Variants in PGM5 observed in about 807,000 individuals in gnomAD.
The protein encoded by PGM5 is phosphoglucomutase-like protein 5.
PGM5 carries 23 observed loss-of-function variants against 59.2 expected under a neutral mutation model. The ratio of observed to expected loss-of-function variants is 0.39; its 90% CI spans 0.28 to 0.55. The LOEUF is 0.55. Ranked by LOEUF, PGM5 falls within the 20% of genes least tolerant of loss-of-function variation. The pLI is 0.66. For missense variants in PGM5, 574 were observed against 748.3 expected, an observed-to-expected ratio of 0.77 and a Z score of 2.72; for synonymous variants, 214 against 286.0, an observed-to-expected ratio of 0.75 and a Z score of 2.54.
intron 7 of PGM5, among the ~76,000 whole-genome samples, chr9:68,469,912 G>A (rs1040016293): frequency 3.3e-5 from 5 of 152,192 alleles, no homozygotes. Flanking sequence ...TTAAATGGAT[G>A]TATTTCTGAA....
intron 9 of PGM5, among the ~76,000 whole-genome samples, chr9:68,487,964 A>G (rs1015300190): frequency 2.6e-5 from 4 of 152,212 alleles, no homozygotes; most frequent in Admixed American, 1.3e-4. Context: ...TGAAATAGGA[A>G]TAATAATTGT....
At chr9:68,416,128 C>T (rs1369487759) in intron 6 of PGM5, among the ~76,000 whole-genome samples, 3 of 152,160 alleles carry the variant, frequency 2.0e-5, no homozygotes, top group African/African-American at 7.2e-5. Context: ...ATTCCTTCCA[C>T]AAATGCTCTG....
At chr9:68,491,108 T>G (rs1418851359) in intron 9 of PGM5, among the ~76,000 whole-genome samples, 1 of 152,250 alleles carries the variant, frequency 6.6e-6, no homozygotes, top group African/African-American at 2.4e-5. Flanking sequence ...TAGACGCCAG[T>G]CAGCTCATTA....
intron 6 of PGM5, among the ~76,000 whole-genome samples, chr9:68,454,238 A>G (rs1454831585): frequency 6.6e-6 from 1 of 152,116 alleles, no homozygotes; most frequent in Non-Finnish European, 1.5e-5. Flanking sequence ...CCCTATCCAC[A>G]CAGATCTGTC....
intron 6 of PGM5, among the ~76,000 whole-genome samples, chr9:68,401,668 AC>A (rs1340434654): frequency 2.0e-5 from 3 of 151,874 alleles, no homozygotes; most frequent in African/African-American, 7.3e-5. Flanking sequence ...TCCAACGGGA[AC>A]ATTAACTTCA....
intron 7 of PGM5, among the ~76,000 whole-genome samples, chr9:68,472,786 G>A (rs782701872): frequency 9.9e-5 from 15 of 152,168 alleles, no homozygotes; most frequent in Admixed American, 3.3e-4. Flanking sequence ...TATCAGCCTT[G>A]TGTGAAACAC....
In PGM5 at chr9:68,529,082, A is replaced by T. The variant is rs1825036990; in HGVS notation, c.1615-485A>T. 2.0e-5 allele frequency among the ~76,000 whole-genome samples: 3 copies of T among 151,814 alleles called. No homozygotes were observed. In the South Asian group the frequency reaches 6.3e-4, roughly 32 times the overall value. ...GTCATTTCTGCAACGTTGGCCAATG[A>T]ATTGGTCTGTCATTTCAGAAACATC... is the stretch of plus-strand genomic sequence containing the variant. On this transcript the variant is annotated intron_variant, in intron 10 of 10. Coordinates refer to ENST00000396396, the MANE Select transcript of PGM5 (RefSeq NM_021965.4).
At chr9:68,493,314 C>G (rs1376576588) in intron 9 of PGM5, among the ~76,000 whole-genome samples, 3 of 152,122 alleles carry the variant, frequency 2.0e-5, no homozygotes, top group African/African-American at 7.2e-5. Context: ...ATTTATTTAT[C>G]AAACATTTAT....
chr9:68,487,347 A>G (rs1186206212), intron 9 of PGM5, among the ~76,000 whole-genome samples: 1 of 152,072 alleles, frequency 6.6e-6, no homozygotes, highest in African/African-American at 2.4e-5. Flanking sequence ...TACCTAATTG[A>G]TGCTCAAGAA....
At chr9:68,378,845 C>G (rs549930409) in intron 2 of PGM5, among the ~76,000 whole-genome samples, 1 of 151,366 alleles carries the variant, frequency 6.6e-6, no homozygotes, top group African/African-American at 2.4e-5. Flanking sequence ...CTTATATTCA[C>G]AGCAATCTAT....
chr9:68,356,691 T>A lies in PGM5; in HGVS notation c.-437T>A, dbSNP rs1554675653. On this transcript the variant is annotated 5_prime_UTR_variant, in exon 1 of 11. Transcript: ENST00000396396. ...GCCCAAAGTCTCGCCGCCCGCCGGC[T>A]GTTTTCTGGCGGAGGGTGTGCCCCG... Among the ~76,000 whole-genome samples, 1 of 152,234 alleles carries A rather than the reference T, an allele frequency of 6.6e-6. No individual in the cohort carries two copies. The highest frequency in any genetic ancestry group is 2.4e-5 in the African/African-American group (1 of 41,452).
intron 4 of PGM5, among the ~76,000 whole-genome samples, chr9:68,390,069 C>T (rs1195452212): frequency 2.0e-5 from 3 of 152,050 alleles, no homozygotes; most frequent in African/African-American, 7.2e-5. Context: ...ATACATTCCT[C>T]AAAATTTTGG....
chr9:68,403,442 C>T (rs1336098602), intron 6 of PGM5, among the ~76,000 whole-genome samples: 2 of 152,158 alleles, frequency 1.3e-5, no homozygotes, highest in Non-Finnish European at 2.9e-5. Flanking sequence ...CCCAAATCAT[C>T]CTCCTCCCCC....
intron 9 of PGM5, among the ~76,000 whole-genome samples, chr9:68,494,695 T>C (rs1410322107): frequency 1.3e-5 from 2 of 152,232 alleles, no homozygotes; most frequent in South Asian, 2.1e-4. Flanking sequence ...GAACCTACCA[T>C]GGTTCAACTC....
chr9:68,389,580 T>C (rs1822314760), intron 4 of PGM5, among the ~76,000 whole-genome samples: 1 of 152,156 alleles, frequency 6.6e-6, no homozygotes, highest in Non-Finnish European at 1.5e-5. Context: ...TCAGTAGTTG[T>C]TCCTTTTACT....
chr9:68,422,685 A>C (rs1248483283), intron 6 of PGM5, among the ~76,000 whole-genome samples: 1 of 152,222 alleles, frequency 6.6e-6, no homozygotes, highest in East Asian at 1.9e-4. Flanking sequence ...CAATAAGAAA[A>C]TAAGTAATGT....
intron 6 of PGM5, among the ~76,000 whole-genome samples, chr9:68,459,063 T>C (rs1229086162): frequency 1.3e-5 from 2 of 152,232 alleles, no homozygotes; most frequent in African/African-American, 4.8e-5. Flanking sequence ...GTTTAATGTC[T>C]GTTAGACATT....
At chr9:68,383,631 A>C (rs1171622271) in intron 2 of PGM5, among the ~76,000 whole-genome samples, 1 of 151,634 alleles carries the variant, frequency 6.6e-6, no homozygotes, top group African/African-American at 2.4e-5. Context: ...AGCTATCTAT[A>C]CATCTAGCGA....
At chr9:68,461,312 A>G (rs1190515298) in intron 6 of PGM5, among the ~76,000 whole-genome samples, 1 of 152,136 alleles carries the variant, frequency 6.6e-6, no homozygotes, top group Non-Finnish European at 1.5e-5. Context: ...ATTGGCTAGA[A>G]CTTGAGTTTC....
Sources: allele counts gnomAD v4.1 joint callset (sites outside exome capture counted in the v4.1 genomes callset), GRCh38; gene constraint gnomAD v4.1.1; transcripts MANE v1.5; gene names NCBI Gene and HGNC (gene_info 2026-07-23, HGNC 2026-07-21).